Variants in ZNF2 observed in about 807,000 individuals in gnomAD.
ZNF2 encodes zinc finger protein 2.
ZNF2 carries 12 observed loss-of-function variants against 21.9 expected under a neutral mutation model. The ratio of observed to expected loss-of-function variants is 0.55; its 90% CI spans 0.35 to 0.89. ZNF2 has a LOEUF of 0.89. Ranked by LOEUF, ZNF2 falls within the 40% of genes least tolerant of loss-of-function variation. The probability of loss-of-function intolerance (pLI) is 0.01; values close to 1 mark genes in which losing one functional copy is unlikely to be tolerated. For synonymous variants in ZNF2, 186 were observed against 196.3 expected (o/e 0.95, Z 0.44); for missense variants, 462 against 544.2 (o/e 0.85, Z 1.50).
rs375074687 is a variant in ZNF2, at chr2:95,183,910, G to C, written c.*1804G>C. On this transcript the variant is annotated 3_prime_UTR_variant, in exon 5 of 5. Transcript: ENST00000614034. ...GCTGGGATTACAGACGTAAGTCACC[G>C]TGCCCGGCCTATATTTTTATTTTAT... The C allele has an allele frequency of 6.6e-6, 1 of 152,048 alleles. No individual in the cohort carries two copies. Among genetic ancestry groups the C allele is most frequent in the African/African-American group, 2.4e-5 (1 of 41,386 alleles). 9.4% of individuals were successfully genotyped at this position (152,048 alleles called of 1,614,324 possible).
chr2:95,167,000 G>T (rs557261182), intron 1 of ZNF2, among the ~76,000 whole-genome samples: 1 of 152,336 alleles, frequency 6.6e-6, no homozygotes, highest in African/African-American at 2.4e-5. Flanking sequence ...CCTGAATGTG[G>T]ATGGACTTTC....
In ZNF2 at chr2:95,179,762, A is replaced by G. The variant is rs148533483; in HGVS notation, c.161-397A>G. 2.2e-4 allele frequency among the ~76,000 whole-genome samples: 33 copies of G among 152,272 alleles called. 2 individuals are homozygous for G. The East Asian group carries it at 6.4e-3, about 29-fold the overall frequency. On this transcript the variant is annotated intron_variant, in intron 3 of 4. Coordinates refer to ENST00000614034, the MANE Select transcript of ZNF2 (RefSeq NM_021088.4). ...GCCTTTTGCATTTTCTCTCTAAAAGACTTAGATGCTGTGGCCAGGCTCAGT... is the reference window on the plus strand; with the variant it reads ...GCCTTTTGCATTTTCTCTCTAAAAGGCTTAGATGCTGTGGCCAGGCTCAGT...
intron 3 of ZNF2, 105 bp downstream of exon 3, chr2:95,177,714 C>G (rs1461285346): frequency 1.1e-4 from 147 of 1,388,760 alleles, no homozygotes; most frequent in Non-Finnish European, 1.3e-5. Flanking sequence ...TTCTGAGCCA[C>G]CTGAGAGATA....
intron 2 of ZNF2, 94 bp downstream of exon 2, chr2:95,176,353 C>G: frequency 6.7e-7 from 1 of 1,497,938 alleles, no homozygotes; most frequent in Non-Finnish European, 9.3e-7. Flanking sequence ...TGAGCAGACC[C>G]AGCCAGGCAG....
Position 95,181,451 on chromosome 2 carries a change from A to G in ZNF2, c.623A>G (p.Lys208Arg). Residue 208 changes from lysine (K) to arginine (R), a missense_variant, in exon 5 of 5, where the codon AAA becomes AGA. Transcript: ENST00000614034. ...CCCTACGACTGCCGCGAGTGTGGGA[A>G]AGCCTTCAGCCACAGGAGCAGCCTC... Reference protein sequence around the residue: ...EKPYDCRECGKAFSHRSSLSR... With the variant: ...EKPYDCRECGRAFSHRSSLSR... 5 of 1,614,204 alleles carry G rather than the reference A, an allele frequency of 3.1e-6. No individual in the cohort carries two copies. The highest frequency in any genetic ancestry group is 1.1e-5 in the South Asian group (1 of 91,078).
intron 3 of ZNF2, among the ~76,000 whole-genome samples, chr2:95,178,508 CAGAG>C (rs1674523799): frequency 6.6e-6 from 1 of 152,144 alleles, no homozygotes; most frequent in Admixed American, 6.5e-5. Flanking sequence ...AGGTCAGGGA[CAGAG>C]AGCCACAGGG....
Position 95,181,659 on chromosome 2 carries a change from A to T in ZNF2, c.831A>T (p.Arg277Ser). The T allele has an allele frequency of 6.2e-7, 1 of 1,614,198 alleles. No individual in the cohort carries two copies. Reference protein sequence around the residue: ...FDRSSLTRHQRIHTGESPYEC... With the variant: ...FDRSSLTRHQSIHTGESPYEC... ...GTTCATCCCTTACTCGACACCAGAGAATTCACACTGGAGAAAGTCCTTATG... is the reference window on the plus strand; with the variant it reads ...GTTCATCCCTTACTCGACACCAGAGTATTCACACTGGAGAAAGTCCTTATG... Residue 277 changes from arginine (R) to serine (S), a missense_variant, in exon 5 of 5, where the codon AGA becomes AGT. Coordinates refer to ENST00000614034, the MANE Select transcript of ZNF2 (RefSeq NM_021088.4).
chr2:95,181,277 T>C lies in ZNF2; in HGVS notation c.449T>C (p.Leu150Pro), dbSNP rs774203529. Residue 150 changes from leucine (L) to proline (P), a missense_variant, in exon 5 of 5, where the codon CTC (leucine) becomes CCC (proline). Physicochemically the swap from Leu to Pro is moderately conservative, Grantham distance 98. Transcript: ENST00000614034. Reference protein sequence around the residue: ...SPSGETRKKSLSRDKGLRRRS... With the variant: ...SPSGETRKKSPSRDKGLRRRS... ...TCAGGGGAGACTCGTAAGAAATCCCTCTCCCGGGACAAAGGCTTGCGGCGA... is the reference window on the plus strand; with the variant it reads ...TCAGGGGAGACTCGTAAGAAATCCCCCTCCCGGGACAAAGGCTTGCGGCGA... The C allele has an allele frequency of 3.1e-6, 5 of 1,614,100 alleles. No homozygotes were observed. The highest frequency in any genetic ancestry group is 4.2e-6 in the Non-Finnish European group (5 of 1,180,006).
At position 95,176,255 on chromosome 2, in the gene ZNF2, G is replaced by T; in HGVS notation, c.29G>T (p.Cys10Phe). Residue 10 changes from cysteine (C) to phenylalanine (F), a missense_variant, in exon 2 of 5, where the codon TGC (cysteine) becomes TTC (phenylalanine). Coordinates refer to ENST00000614034, the MANE Select transcript of ZNF2 (RefSeq NM_021088.4). Reference protein sequence around the residue: MAAVSPTTRCQESVTFEDVA... With the variant: MAAVSPTTRFQESVTFEDVA... ...GCTGCTGTGTCTCCGACCACCAGAT[G>T]CCAGGTGAGGTGGACTTTTGTGTTC... The T allele has an allele frequency of 6.2e-7, 1 of 1,614,178 alleles. No homozygotes were observed. Among genetic ancestry groups the T allele is most frequent in the Non-Finnish European group, 8.5e-7 (1 of 1,180,042 alleles).
intron 1 of ZNF2, among the ~76,000 whole-genome samples, chr2:95,174,428 A>T (rs1674375239): frequency 6.6e-6 from 1 of 152,106 alleles, no homozygotes; most frequent in African/African-American, 2.4e-5. Flanking sequence ...GCCTCTGCCT[A>T]CCTCTTTTCC....
chr2:95,177,139 T>TAG (rs1395604714), intron 2 of ZNF2, among the ~76,000 whole-genome samples: 1 of 152,200 alleles, frequency 6.6e-6, no homozygotes, highest in African/African-American at 2.4e-5. Flanking sequence ...AATGTGTATC[T>TAG]AGAGAGAGAC....
intron 3 of ZNF2, among the ~76,000 whole-genome samples, chr2:95,179,866 GGC>G (rs1340400862): frequency 6.6e-6 from 1 of 152,186 alleles, no homozygotes; most frequent in Admixed American, 6.5e-5. Context: ...AAACCAGCGT[GGC>G]CATGATGGCA....
At chr2:95,178,747 G>A (rs1171131490) in intron 3 of ZNF2, among the ~76,000 whole-genome samples, 2 of 152,146 alleles carry the variant, frequency 1.3e-5, no homozygotes, top group Non-Finnish European at 2.9e-5. Context: ...GTAGTCCATG[G>A]TGTATGCAGA....
chr2:95,182,201 C>G lies in ZNF2; in HGVS notation c.*95C>G. 6.8e-7 allele frequency: 1 copy of G among 1,464,874 alleles called. No individual in the cohort carries two copies. Among genetic ancestry groups the G allele is most frequent in the Non-Finnish European group, 9.1e-7 (1 of 1,094,384 alleles). The allele number at this position is 1,464,874 out of a possible 1,614,324, so 90.7% of individuals were successfully genotyped here. A position where few individuals can be genotyped will look rare whatever the true frequency, so the allele number is the denominator to read the frequency against. On this transcript the variant is annotated 3_prime_UTR_variant, in exon 5 of 5. Transcript: ENST00000614034. ...CTGCCATTTGCTCATTCTACCCACT[C>G]TGGCTGCCGTTGTCCTGTCCTGCTT...
chr2:95,180,109 T>C, intron 3 of ZNF2, 50 bp from the exon 4 acceptor site: 1 of 1,307,266 alleles, frequency 7.6e-7, no homozygotes, highest in Admixed American at 1.7e-5. Context: ...GAGAGTGATA[T>C]TATTTTCATC....
intron 1 of ZNF2, among the ~76,000 whole-genome samples, chr2:95,166,077 A>G (rs748939580): frequency 7.2e-5 from 11 of 151,856 alleles, no homozygotes; most frequent in Non-Finnish European, 1.5e-4. Context: ...CACCCATTGT[A>G]TGTCGGTCCC....
intron 1 of ZNF2, among the ~76,000 whole-genome samples, chr2:95,170,251 T>G (rs940170917): frequency 2.6e-5 from 4 of 152,214 alleles, no homozygotes; most frequent in Non-Finnish European, 5.9e-5. Context: ...CTGTTTGTGT[T>G]TATATCTGCC....
chr2:95,168,124 GAAAA>G (rs879786532), intron 1 of ZNF2, among the ~76,000 whole-genome samples: 1 of 136,486 alleles, frequency 7.3e-6, no homozygotes, highest in South Asian at 2.4e-4. Flanking sequence ...AATGCTGGAA[GAAAA>G]AAAAAAAAAG....
At chr2:95,171,688 T>C (rs1434919992) in intron 1 of ZNF2, among the ~76,000 whole-genome samples, 2 of 152,210 alleles carry the variant, frequency 1.3e-5, no homozygotes, top group African/African-American at 2.4e-5. Flanking sequence ...GCCTGTCTGT[T>C]CTTAATAGCT....
Sources: allele counts gnomAD v4.1 joint callset (sites outside exome capture counted in the v4.1 genomes callset), GRCh38; gene constraint gnomAD v4.1.1; transcripts MANE v1.5; gene names NCBI Gene and HGNC (gene_info 2026-07-23, HGNC 2026-07-21).